Variants in IREB2 observed in about 807,000 individuals in gnomAD.
The protein encoded by IREB2 is iron responsive element binding protein 2, also known as iron-responsive element-binding protein 2.
In IREB2, 39 loss-of-function variants were observed where a neutral mutation model predicts 118.8. The observed-to-expected ratio is 0.33, with a 90% CI of 0.25 to 0.43. The LOEUF (loss-of-function observed/expected upper bound fraction) is 0.43, where lower values mean the gene tolerates loss of function less well. IREB2 is among the 20% of genes least tolerant of loss of function. IREB2 has a pLI of 1.00. For synonymous variants in IREB2, 372 were observed against 392.2 expected, an observed-to-expected ratio of 0.95 and a Z score of 0.61; for missense variants, 900 against 1,147.3, an observed-to-expected ratio of 0.78 and a Z score of 3.11.
At position 78,473,388 on chromosome 15, in the gene IREB2, T is replaced by A; in HGVS notation, c.1023+7T>A. On this transcript the variant is annotated splice_region_variant and intron_variant, in intron 8 of 21. Transcript: ENST00000258886. ...TGTTCTTGGTATTACAAAGGTAAGTTAAAGTTGTGGTAGCTCTATGACTTA... is the reference window on the plus strand; with the variant it reads ...TGTTCTTGGTATTACAAAGGTAAGTAAAAGTTGTGGTAGCTCTATGACTTA... 1 of 1,611,658 alleles carries A rather than the reference T, an allele frequency of 6.2e-7. No individual in the cohort carries two copies. The highest frequency in any genetic ancestry group is 8.5e-7 in the Non-Finnish European group (1 of 1,178,296).
intron 10 of IREB2, among the ~76,000 whole-genome samples, chr15:78,478,843 A>G (rs1172553748): frequency 6.6e-6 from 1 of 152,234 alleles, no homozygotes; most frequent in Non-Finnish European, 1.5e-5. Context: ...TCTGTTAGAT[A>G]TGACAATATC....
At position 78,471,802 on chromosome 15, in the gene IREB2, A is replaced by G; in HGVS notation, c.761A>G (p.Gln254Arg). 6.2e-7 allele frequency: 1 copy of G among 1,613,770 alleles called. No homozygotes were observed. Among genetic ancestry groups the G allele is most frequent in the Non-Finnish European group, 8.5e-7 (1 of 1,179,778 alleles). Residue 254 changes from glutamine to arginine, a missense_variant, in exon 7 of 22, where the codon CAA (glutamine) becomes CGA (arginine). Physicochemically the swap from Gln to Arg is conservative, Grantham distance 43 (BLOSUM62 1). Coordinates refer to ENST00000258886, the MANE Select transcript of IREB2 (RefSeq NM_004136.4). ...CCTCCTGGAACTGGAATGGCTCATC[A>G]AATAAACTTAGAATATTTGTCAAGA... is the stretch of plus-strand genomic sequence containing the variant. ...VIPPGTGMAHQINLEYLSRVV... is the reference protein window; with the variant it reads ...VIPPGTGMAHRINLEYLSRVV...
At chr15:78,469,142 C>A (rs1044468984) in intron 5 of IREB2, among the ~76,000 whole-genome samples, 1 of 152,076 alleles carries the variant, frequency 6.6e-6, no homozygotes, top group Admixed American at 6.6e-5. Context: ...TCATTTGTAT[C>A]TTTTAATGTG....
At chr15:78,458,582 A>G (rs921025621) in intron 2 of IREB2, among the ~76,000 whole-genome samples, 1 of 152,064 alleles carries the variant, frequency 6.6e-6, no homozygotes, top group African/African-American at 2.4e-5. Flanking sequence ...GCTGGTCATC[A>G]TGCTTTCTCA....
chr15:78,471,107 G>C (rs2051369650), intron 6 of IREB2, among the ~76,000 whole-genome samples: 1 of 151,982 alleles, frequency 6.6e-6, no homozygotes, highest in South Asian at 2.1e-4. Flanking sequence ...TGCCTCTTGG[G>C]TTCAAGCGAT....
chr15:78,441,739 A>G (rs1276384213), intron 2 of IREB2, among the ~76,000 whole-genome samples: 1 of 152,240 alleles, frequency 6.6e-6, no homozygotes, highest in Non-Finnish European at 1.5e-5. Flanking sequence ...GAATTTGTAC[A>G]TAACTGTACA....
At chr15:78,439,979 G>A (rs986720648) in intron 2 of IREB2, 98 bp downstream of exon 2, 2 of 745,542 alleles carry the variant, frequency 2.7e-6, no homozygotes, top group Middle Eastern at 2.3e-4. Context: ...TATTTCCACC[G>A]TATTGTAACA....
At chr15:78,483,514 C>T in intron 11 of IREB2, 80 bp downstream of exon 11, 1 of 763,496 alleles carries the variant, frequency 1.3e-6, no homozygotes. Flanking sequence ...GACCCATAAA[C>T]TCAATTCACT....
chr15:78,480,286 A>T (rs535053912), intron 10 of IREB2: 2 of 152,122 alleles, frequency 1.3e-5, no homozygotes, highest in East Asian at 1.9e-4. Context: ...TGCTTTGTCC[A>T]TTTTTTTTCC....
At position 78,490,409 on chromosome 15, in the gene IREB2, AC is replaced by A. The variant is rs763360028; in HGVS notation, c.2077-12del. The A allele has an allele frequency of 6.4e-7, 1 of 1,556,910 alleles. No individual in the cohort carries two copies. The highest frequency in any genetic ancestry group is 8.7e-7 in the Non-Finnish European group (1 of 1,152,264). ...TCTTTGCTTTGGTTCATCAACGAAA[AC>A]TGTATTCACAGATGGGGAATAAACG... On this transcript the variant is annotated splice_polypyrimidine_tract_variant and intron_variant, in intron 16 of 21. Coordinates refer to ENST00000258886, the MANE Select transcript of IREB2 (RefSeq NM_004136.4).
At chr15:78,474,389 T>C (rs1018315073) in intron 8 of IREB2, 1 of 152,232 alleles carries the variant, frequency 6.6e-6, no homozygotes, top group African/African-American at 2.4e-5. Flanking sequence ...GAGAAATTAT[T>C]GATTCAACGT....
chr15:78,473,215 C>T (rs372524053), intron 7 of IREB2, 27 bp from the exon 8 acceptor site: 2 of 1,604,116 alleles, frequency 1.2e-6, no homozygotes, highest in Middle Eastern at 1.7e-4. Flanking sequence ...ATATACTGTG[C>T]TAATATACCT....
At chr15:78,450,316 T>G (rs767748313) in intron 2 of IREB2, among the ~76,000 whole-genome samples, 2 of 152,192 alleles carry the variant, frequency 1.3e-5, no homozygotes, top group African/African-American at 2.4e-5. Flanking sequence ...TTAACTATGG[T>G]AAGAGTAATT....
In IREB2 at chr15:78,442,463, C is replaced by T. The variant is rs191955353; in HGVS notation, c.106+2582C>T. Among the ~76,000 whole-genome samples, 8 of 152,304 alleles carry T rather than the reference C, an allele frequency of 5.3e-5. No individual in the cohort carries two copies. The East Asian group carries it at 1.5e-3, about 29-fold the overall frequency. ...GGTACAGAGCCAGTCTTCTCCACCT[C>T]CATTCCACATTTTGATGCCTGCTAG... On this transcript the variant is annotated intron_variant, in intron 2 of 21. Coordinates refer to ENST00000258886, the MANE Select transcript of IREB2 (RefSeq NM_004136.4).
At chr15:78,459,448 C>G (rs2051161223) in intron 2 of IREB2, among the ~76,000 whole-genome samples, 2 of 152,064 alleles carry the variant, frequency 1.3e-5, no homozygotes, top group South Asian at 4.1e-4. Context: ...CTCCTGGGTT[C>G]AAGCAATTCT....
intron 2 of IREB2, among the ~76,000 whole-genome samples, chr15:78,447,314 C>T (rs1385150010): frequency 6.7e-6 from 1 of 150,016 alleles, no homozygotes; most frequent in African/African-American, 2.4e-5. Context: ...TACAAGAAGA[C>T]ACCACTACAC....
intron 18 of IREB2, among the ~76,000 whole-genome samples, chr15:78,493,567 CAA>C (rs1482925262): frequency 4.0e-5 from 6 of 151,388 alleles, no homozygotes; most frequent in Admixed American, 4.0e-4. Flanking sequence ...TAATCAGTGA[CAA>C]TATTGACTAT....
chr15:78,485,121 C>G (rs559472078), intron 12 of IREB2, among the ~76,000 whole-genome samples: 2 of 152,324 alleles, frequency 1.3e-5, no homozygotes, highest in East Asian at 3.9e-4. Context: ...TTACTGTTTA[C>G]TATAACTTAC....
chr15:78,465,733 G>T (rs1235533607), intron 4 of IREB2, among the ~76,000 whole-genome samples: 1 of 151,970 alleles, frequency 6.6e-6, no homozygotes, highest in Non-Finnish European at 1.5e-5. Flanking sequence ...TAATTATTTG[G>T]TGATTAAAAA....
Sources: gnomAD v4.1 joint callset for allele counts (sites outside exome capture counted in the v4.1 genomes callset) on GRCh38, gnomAD v4.1.1 for gene constraint, MANE v1.5 for transcripts, NCBI Gene and HGNC (gene_info 2026-07-23, HGNC 2026-07-21) for gene names.